MAP2K5: variants seen among roughly 807,000 people sequenced by gnomAD.
The protein encoded by MAP2K5 is dual specificity mitogen-activated protein kinase kinase 5.
A neutral mutation model predicts 83.1 loss-of-function variants in MAP2K5; 49 were observed. The observed-to-expected ratio is 0.59, with a 90% CI of 0.47 to 0.75. The LOEUF (loss-of-function observed/expected upper bound fraction) is 0.75, where lower values mean the gene tolerates loss of function less well. Among genes scored for constraint, MAP2K5 ranks in the 30% least tolerant of loss-of-function variants. The pLI is 0.00. For synonymous variants in MAP2K5, 202 were observed against 191.8 expected, an observed-to-expected ratio of 1.05 and a Z score of -0.44; for missense variants, 457 against 557.5, an observed-to-expected ratio of 0.82 and a Z score of 1.82.
chr15:67,631,411 G>A (rs1301657148), intron 9 of MAP2K5, among the ~76,000 whole-genome samples: 1 of 152,054 alleles, frequency 6.6e-6, no homozygotes, highest in Non-Finnish European at 1.5e-5. Flanking sequence ...CTTCCTCACT[G>A]TACTTTCGGT....
intron 13 of MAP2K5, among the ~76,000 whole-genome samples, chr15:67,678,442 A>G (rs1016577206): frequency 6.6e-6 from 1 of 152,224 alleles, no homozygotes; most frequent in African/African-American, 2.4e-5. Context: ...TTCTGTAACA[A>G]TTGTACCATG....
intron 16 of MAP2K5, among the ~76,000 whole-genome samples, chr15:67,723,746 C>T (rs2089023801): frequency 6.6e-6 from 1 of 151,176 alleles, no homozygotes; most frequent in Non-Finnish European, 1.5e-5. Context: ...TTTTTCAGTA[C>T]ACTTTTTAAA....
chr15:67,712,549 A>G (rs2088716064), intron 16 of MAP2K5, among the ~76,000 whole-genome samples: 5 of 152,230 alleles, frequency 3.3e-5, no homozygotes, highest in Admixed American at 3.3e-4. Context: ...AAAATAGTGC[A>G]CTCAGAATAT....
intron 19 of MAP2K5, among the ~76,000 whole-genome samples, chr15:67,763,185 GATGTTTTCCCTTGTAACACACCGAGA>G (rs1289102577): frequency 6.6e-6 from 1 of 151,920 alleles, no homozygotes; most frequent in Non-Finnish European, 1.5e-5. Flanking sequence ...CTTTCACCCT[GATGTTTTCCCTTGTAACACACCGAGA>G]AGTAGGTCAG....
chr15:67,745,107 A>G (rs185721838), intron 17 of MAP2K5, among the ~76,000 whole-genome samples: 20 of 152,370 alleles, frequency 1.3e-4, no homozygotes, highest in African/African-American at 4.8e-4. Context: ...ACTGATTAAC[A>G]AAGTGTGTGA....
intron 17 of MAP2K5, among the ~76,000 whole-genome samples, chr15:67,734,267 A>G (rs2089290654): frequency 6.6e-6 from 1 of 152,208 alleles, no homozygotes; most frequent in African/African-American, 2.4e-5. Context: ...TGCAATCCAT[A>G]TTATTGACCA....
chr15:67,706,557 G>A (rs930295569), intron 16 of MAP2K5, among the ~76,000 whole-genome samples: 9 of 152,130 alleles, frequency 5.9e-5, no homozygotes, highest in African/African-American at 2.2e-4. Context: ...GGGTGTTACA[G>A]CAGGAGGAAG....
chr15:67,674,069 G>T (rs1171965281), intron 13 of MAP2K5, among the ~76,000 whole-genome samples: 1 of 152,070 alleles, frequency 6.6e-6, no homozygotes, highest in Non-Finnish European at 1.5e-5. Flanking sequence ...GGCTGGTCTC[G>T]ATCTCCTGAC....
At chr15:67,715,335 CTG>C (rs2088805865) in intron 16 of MAP2K5, among the ~76,000 whole-genome samples, 1 of 152,042 alleles carries the variant, frequency 6.6e-6, no homozygotes, top group Non-Finnish European at 1.5e-5. Context: ...TTTGCAAGGT[CTG>C]TGAAGGGATC....
intron 13 of MAP2K5, among the ~76,000 whole-genome samples, chr15:67,675,194 C>T (rs1180409848): frequency 1.3e-5 from 2 of 152,174 alleles, no homozygotes; most frequent in Non-Finnish European, 2.9e-5. Flanking sequence ...CTGGAAACAA[C>T]TCAGATGTCC....
chr15:67,717,330 T>G lies in MAP2K5; in HGVS notation c.1045-10586T>G, dbSNP rs1201267698. ...ACACAAATATTAACCTAATCTCCAG[T>G]ATGTCTACTGTAATAGGAAGTAGGT... On this transcript the variant is annotated intron_variant, in intron 16 of 21. Transcript: ENST00000178640. The surrounding 1 kb of genome is among the most constrained non-coding windows in gnomAD (Gnocchi z 4.1). Among the ~76,000 whole-genome samples the G allele has an allele frequency of 6.6e-6, 1 of 152,200 alleles. No homozygotes were observed. Among genetic ancestry groups the G allele is most frequent in the African/African-American group, 2.4e-5 (1 of 41,442 alleles).
Position 67,565,201 on chromosome 15 carries a change from T to C in MAP2K5, c.252+1851T>C, listed in dbSNP as rs1212999290. 6.6e-6 allele frequency among the ~76,000 whole-genome samples: 1 copy of C among 152,160 alleles called. No individual in the cohort carries two copies. The highest frequency in any genetic ancestry group is 1.5e-5 in the Non-Finnish European group (1 of 68,012). On this transcript the variant is annotated intron_variant, in intron 3 of 21. Transcript: ENST00000178640. The surrounding 1 kb of genome is among the most constrained non-coding windows in gnomAD (Gnocchi z 4.1). ...ACTGTCTCTCCCCCACCTTCCTCTTTGCAGGATTTTTTTTATGTCATCACT... is the reference window on the plus strand; with the variant it reads ...ACTGTCTCTCCCCCACCTTCCTCTTCGCAGGATTTTTTTTATGTCATCACT...
intron 7 of MAP2K5, among the ~76,000 whole-genome samples, chr15:67,593,232 A>G (rs2085453325): frequency 6.6e-6 from 1 of 152,240 alleles, no homozygotes; most frequent in African/African-American, 2.4e-5. Context: ...TCAGTTCTGA[A>G]CAAGTGTGTC....
At chr15:67,727,857 TA>T in intron 16 of MAP2K5, 58 bp from the exon 17 acceptor site, 1 of 1,262,614 alleles carries the variant, frequency 7.9e-7, no homozygotes, top group Non-Finnish European at 1.2e-6. Flanking sequence ...TTGTCTGTCT[TA>T]AGGAGATCTG....
At chr15:67,598,986 G>A (rs2141023529) in intron 7 of MAP2K5, among the ~76,000 whole-genome samples, 1 of 152,278 alleles carries the variant, frequency 6.6e-6, no homozygotes, top group Non-Finnish European at 1.5e-5. Flanking sequence ...AGCCCCAGTG[G>A]CCTATTTGTG....
intron 4 of MAP2K5, among the ~76,000 whole-genome samples, chr15:67,585,076 C>CAAAA (rs59012209): frequency 2.5e-5 from 3 of 122,152 alleles, no homozygotes; most frequent in Non-Finnish European, 3.4e-5. Context: ...GAGAGAGGAG[C>CAAAA]AAAAAAAAAA....
At chr15:67,739,312 A>ACTTTATCCAG (rs1162197834) in intron 17 of MAP2K5, among the ~76,000 whole-genome samples, 2 of 148,892 alleles carry the variant, frequency 1.3e-5, no homozygotes, top group Non-Finnish European at 3.0e-5. Flanking sequence ...AGTAAGTCAA[A>ACTTTATCCAG]CTTTATCCAG....
At chr15:67,545,263 G>C (rs1274221901) in intron 1 of MAP2K5, among the ~76,000 whole-genome samples, 1 of 152,136 alleles carries the variant, frequency 6.6e-6, no homozygotes, top group Non-Finnish European at 1.5e-5. Context: ...ATGATTCTTT[G>C]TCTCCTCCAC....
intron 19 of MAP2K5, among the ~76,000 whole-genome samples, chr15:67,762,333 C>T (rs1026251508): frequency 6.6e-6 from 1 of 152,038 alleles, no homozygotes; most frequent in Non-Finnish European, 1.5e-5. Context: ...CATGTAGGCA[C>T]ATCTAAAAAC....
Sources: gnomAD v4.1 joint callset for allele counts (sites outside exome capture counted in the v4.1 genomes callset) on GRCh38, gnomAD v4.1.1 for gene constraint, Gnocchi (gnomAD v3.1) non-coding constraint, MANE v1.5 for transcripts, NCBI Gene and HGNC (gene_info 2026-07-23, HGNC 2026-07-21) for gene names.